Variants in ADAM23 observed in about 807,000 individuals in gnomAD.
ADAM23 encodes the protein ADAM metallopeptidase domain 23, also known as disintegrin and metalloproteinase domain-containing protein 23.
Under a neutral mutation model 120.1 loss-of-function variants are expected in ADAM23, and 33 were observed. The observed-to-expected ratio is 0.27, with a 90% confidence interval of 0.21 to 0.37. The LOEUF (loss-of-function observed/expected upper bound fraction) is 0.37. Among genes scored for constraint, ADAM23 ranks in the 10% least tolerant of loss-of-function variants. The probability of loss-of-function intolerance (pLI) is 1.00; values close to 1 mark genes in which losing one functional copy is unlikely to be tolerated. For missense variants in ADAM23, 862 were observed against 1,058.2 expected, an observed-to-expected ratio of 0.81 and a Z score of 2.57; for synonymous variants, 367 against 375.2, an observed-to-expected ratio of 0.98 and a Z score of 0.25.
At chr2:206,533,399 T>C (rs562990247) in intron 4 of ADAM23, among the ~76,000 whole-genome samples, 43 of 152,270 alleles carry the variant, frequency 2.8e-4, no homozygotes, top group African/African-American at 1.0e-3. Flanking sequence ...GAGACGGGGT[T>C]TCACCATGTT....
intron 11 of ADAM23, among the ~76,000 whole-genome samples, chr2:206,560,618 G>C (rs776469549): frequency 1.3e-5 from 2 of 151,984 alleles, no homozygotes; most frequent in African/African-American, 2.4e-5. Flanking sequence ...AAGGAAAAAG[G>C]GTTCTATACT....
At chr2:206,508,951 A>G (rs990649990) in intron 3 of ADAM23, among the ~76,000 whole-genome samples, 1 of 152,362 alleles carries the variant, frequency 6.6e-6, no homozygotes, top group South Asian at 2.1e-4. Context: ...CCAAGGATTC[A>G]TTAAAATGGC....
At position 206,514,916 on chromosome 2, in the gene ADAM23, T is replaced by C. The variant is rs557635600; in HGVS notation, c.510-15969T>C. On this transcript the variant is annotated intron_variant, in intron 3 of 25. Coordinates refer to ENST00000264377, the MANE Select transcript of ADAM23 (RefSeq NM_003812.4). ...TAAAGTATTTTTAGATATAATGCTA[T>C]TACATGCATAATAGACTAGAGTACA... is the stretch of plus-strand genomic sequence containing the variant. 3.9e-5 allele frequency among the ~76,000 whole-genome samples: 6 copies of C among 152,320 alleles called. No homozygotes were observed. The East Asian group carries it at 1.2e-3, about 29-fold the overall frequency.
chr2:206,574,767 T>A (rs185729576), intron 18 of ADAM23, among the ~76,000 whole-genome samples: 1 of 152,338 alleles, frequency 6.6e-6, no homozygotes, highest in Admixed American at 6.5e-5. Context: ...GGCATGATCT[T>A]CTTCCCATTA....
chr2:206,542,274 C>A, intron 5 of ADAM23, 140 bp downstream of exon 5: 1 of 768,274 alleles, frequency 1.3e-6, no homozygotes, highest in Admixed American at 2.2e-5. Flanking sequence ...AGGGCAATGT[C>A]CCTGTCCTCT....
At chr2:206,584,176 T>A (rs1698275258) in intron 18 of ADAM23, among the ~76,000 whole-genome samples, 1 of 152,180 alleles carries the variant, frequency 6.6e-6, no homozygotes, top group African/African-American at 2.4e-5. Context: ...AGGCTGGTAC[T>A]GGGGGTTGTC....
chr2:206,499,140 T>C (rs1416431929), intron 3 of ADAM23, among the ~76,000 whole-genome samples: 1 of 151,816 alleles, frequency 6.6e-6, no homozygotes, highest in Non-Finnish European at 1.5e-5. Flanking sequence ...GCCATCCCAT[T>C]ACTGGGTATG....
At chr2:206,610,411 A>G (rs1451744895) in intron 25 of ADAM23, among the ~76,000 whole-genome samples, 1 of 152,244 alleles carries the variant, frequency 6.6e-6, no homozygotes, top group African/African-American at 2.4e-5. Context: ...TTCACAACCT[A>G]AGTAATTATG....
chr2:206,498,783 A>G (rs1696315582), intron 3 of ADAM23, among the ~76,000 whole-genome samples: 2 of 152,188 alleles, frequency 1.3e-5, no homozygotes, highest in South Asian at 2.1e-4. Context: ...AGAATCTACA[A>G]TGAACTCAAA....
chr2:206,597,659 A>G (rs1698555650), intron 24 of ADAM23, among the ~76,000 whole-genome samples: 1 of 152,222 alleles, frequency 6.6e-6, no homozygotes, highest in African/African-American at 2.4e-5. Flanking sequence ...TTTTATATAC[A>G]GGGATGACGT....
At chr2:206,478,005 A>G (rs1430043571) in intron 2 of ADAM23, among the ~76,000 whole-genome samples, 2 of 150,828 alleles carry the variant, frequency 1.3e-5, no homozygotes, top group Non-Finnish European at 3.0e-5. Flanking sequence ...AAAACTGTGT[A>G]ATATTTTGTT....
At chr2:206,472,165 C>T (rs1343186184) in intron 2 of ADAM23, among the ~76,000 whole-genome samples, 4 of 152,164 alleles carry the variant, frequency 2.6e-5, no homozygotes, top group Non-Finnish European at 5.9e-5. Flanking sequence ...CCATACCCAC[C>T]ATAAGATTAA....
chr2:206,582,801 T>C (rs1478086343), intron 18 of ADAM23, among the ~76,000 whole-genome samples: 1 of 152,198 alleles, frequency 6.6e-6, no homozygotes, highest in Non-Finnish European at 1.5e-5. Context: ...GATTGTATCT[T>C]TCTTTCATAT....
chr2:206,454,685 C>T (rs1695260085), intron 2 of ADAM23, among the ~76,000 whole-genome samples: 1 of 152,204 alleles, frequency 6.6e-6, no homozygotes, highest in African/African-American at 2.4e-5. Flanking sequence ...AGGGTAGAGG[C>T]AGTGGGTAAA....
Position 206,456,545 on chromosome 2 carries a change from A to G in ADAM23, c.432+11021A>G, listed in dbSNP as rs565134620. Among the ~76,000 whole-genome samples, 4 of 152,306 alleles carry G rather than the reference A, an allele frequency of 2.6e-5. No homozygotes were observed. The South Asian group carries it at 8.3e-4, about 32-fold the overall frequency. ...ACACTGGAGATTACAATTCAACATG[A>G]TATTTGCATGCAGGCACAGAGCCAA... On this transcript the variant is annotated intron_variant, in intron 2 of 25. Transcript: ENST00000264377.
intron 4 of ADAM23, among the ~76,000 whole-genome samples, chr2:206,532,897 G>A (rs1697097082): frequency 6.6e-6 from 1 of 152,026 alleles, no homozygotes; most frequent in African/African-American, 2.4e-5. Flanking sequence ...AATTGCTTCA[G>A]AATTAATTCT....
At chr2:206,463,247 G>A (rs941913613) in intron 2 of ADAM23, among the ~76,000 whole-genome samples, 1 of 152,174 alleles carries the variant, frequency 6.6e-6, no homozygotes, top group African/African-American at 2.4e-5. Flanking sequence ...TTATCTGGGT[G>A]GGCCCAGTGT....
Position 206,587,359 on chromosome 2 carries a change from C to T in ADAM23, c.1772C>T (p.Ala591Val), listed in dbSNP as rs1359501526. 2 of 1,606,712 alleles carry T rather than the reference C, an allele frequency of 1.2e-6. No homozygotes were observed. Among genetic ancestry groups the T allele is most frequent in the South Asian group, 1.1e-5 (1 of 89,338 alleles). Residue 591 changes from alanine (A) to valine (V), a missense_variant, in exon 19 of 26, where the codon GCA (alanine) becomes GTA (valine). Ala to Val is a moderately conservative substitution (Grantham distance 64, BLOSUM62 0). This residue lies in a region of ADAM23 where 617 missense variants were observed against 813.5 expected (regional missense o/e 0.76). Transcript: ENST00000264377. ...PPNLHKQDGY[A>V]CNQNQGRCYN... ...AATCTTCATAAGCAAGACGGATATGCATGCAATCAAAATCAGGTATGCTGG... is the reference window on the plus strand; with the variant it reads ...AATCTTCATAAGCAAGACGGATATGTATGCAATCAAAATCAGGTATGCTGG...
intron 3 of ADAM23, among the ~76,000 whole-genome samples, chr2:206,498,762 G>A (rs891372950): frequency 4.6e-5 from 7 of 151,840 alleles, no homozygotes; most frequent in African/African-American, 1.7e-4. Flanking sequence ...TCTGACAAAG[G>A]GCTAATATCC....
Sources: gnomAD v4.1 joint callset for allele counts (sites outside exome capture counted in the v4.1 genomes callset) on GRCh38, gnomAD v4.1.1 for gene constraint, gnomAD v4.1.1 regional missense constraint, MANE v1.5 for transcripts, NCBI Gene and HGNC (gene_info 2026-07-23, HGNC 2026-07-21) for gene names.